The following TPD52 variants were observed in gnomAD, a reference collection of about 807,000 sequenced individuals.
TPD52 encodes tumor protein D52.
A neutral mutation model predicts 31.3 loss-of-function variants in TPD52; 17 were observed. The ratio of observed to expected loss-of-function variants is 0.54; its 90% confidence interval spans 0.37 to 0.82. The LOEUF is 0.82. Ranked by LOEUF, TPD52 falls within the 40% of genes least tolerant of loss-of-function variation. TPD52 has a pLI of 0.00. For synonymous variants in TPD52, 83 were observed against 89.6 expected (o/e 0.93, Z 0.42); for missense variants, 212 against 240.1 (o/e 0.88, Z 0.77).
intron 1 of TPD52, among the ~76,000 whole-genome samples, chr8:80,129,420 A>C (rs576524820): frequency 3.3e-5 from 5 of 152,206 alleles, no homozygotes; most frequent in African/African-American, 1.2e-4. Context: ...CAAGCATTAC[A>C]AATCTGCTAA....
chr8:80,089,089 G>A (rs1160763259), intron 1 of TPD52, among the ~76,000 whole-genome samples: 2 of 152,318 alleles, frequency 1.3e-5, no homozygotes, highest in Admixed American at 6.5e-5. Flanking sequence ...AGAATCGTGA[G>A]AATATAAATT....
At chr8:80,167,999 A>G (rs1331607528) in intron 1 of TPD52, among the ~76,000 whole-genome samples, 1 of 152,226 alleles carries the variant, frequency 6.6e-6, no homozygotes. Context: ...CTAGTTAGCA[A>G]CACTGCTCTA....
At chr8:80,114,274 C>T (rs62516085) in intron 1 of TPD52, among the ~76,000 whole-genome samples, 31,603 of 152,010 alleles carry the variant, frequency 0.21, 4,184 homozygotes, top group Non-Finnish European at 0.29. Context: ...TGCCTTTCTC[C>T]CTAAACCTCC....
At chr8:80,133,271 TCA>T (rs1401110682) in intron 1 of TPD52, among the ~76,000 whole-genome samples, 1 of 152,148 alleles carries the variant, frequency 6.6e-6, no homozygotes, top group Non-Finnish European at 1.5e-5. Flanking sequence ...CTGGACCACT[TCA>T]GACATTTTCT....
At chr8:80,151,385 G>A (rs1480595821) in intron 1 of TPD52, among the ~76,000 whole-genome samples, 1 of 152,128 alleles carries the variant, frequency 6.6e-6, no homozygotes, top group African/African-American at 2.4e-5. Flanking sequence ...AAAAAGAATA[G>A]GCTTAAAACT....
intron 1 of TPD52, among the ~76,000 whole-genome samples, chr8:80,147,091 T>C (rs935474874): frequency 6.6e-6 from 1 of 152,180 alleles, no homozygotes; most frequent in Admixed American, 6.5e-5. Flanking sequence ...CTGGCCTACA[T>C]GGGCAGGCAT....
At chr8:80,041,378 G>T (rs1343387460) in intron 7 of TPD52, among the ~76,000 whole-genome samples, 3 of 152,172 alleles carry the variant, frequency 2.0e-5, no homozygotes, top group Non-Finnish European at 4.4e-5. Context: ...TGCATTTCGT[G>T]ACTCAAAGTT....
At chr8:80,156,657 GA>G (rs561724281) in intron 1 of TPD52, among the ~76,000 whole-genome samples, 237 of 152,252 alleles carry the variant, frequency 1.6e-3, no homozygotes, top group Middle Eastern at 3.4e-3. Context: ...CCAGGAAAAA[GA>G]ATAGGAGAAA....
intron 1 of TPD52, chr8:80,080,497 C>T: frequency 3.7e-6 from 6 of 1,608,232 alleles, no homozygotes; most frequent in Non-Finnish European, 5.1e-6. Context: ...CGCCTGATAT[C>T]AGCCTTCAGT....
At chr8:80,078,320 A>G (rs980660662) in intron 1 of TPD52, among the ~76,000 whole-genome samples, 5 of 152,326 alleles carry the variant, frequency 3.3e-5, no homozygotes, top group Admixed American at 2.6e-4. Context: ...ATTCCTTTTT[A>G]TATCAGTCCT....
intron 1 of TPD52, among the ~76,000 whole-genome samples, chr8:80,086,264 G>A (rs1238857291): frequency 6.6e-6 from 1 of 151,106 alleles, no homozygotes; most frequent in Non-Finnish European, 1.5e-5. Context: ...GACTACAAGC[G>A]CACACCACCA....
chr8:80,067,870 T>C (rs1296401967), intron 1 of TPD52, among the ~76,000 whole-genome samples: 3 of 151,892 alleles, frequency 2.0e-5, no homozygotes, highest in Non-Finnish European at 4.4e-5. Flanking sequence ...CCTTATATAT[T>C]CGTCTAGATA....
chr8:80,144,796 T>G (rs946181047), intron 1 of TPD52, among the ~76,000 whole-genome samples: 2 of 152,142 alleles, frequency 1.3e-5, no homozygotes, highest in Non-Finnish European at 1.5e-5. Context: ...TACATGGTAT[T>G]CGGTGTGCAT....
intron 1 of TPD52, among the ~76,000 whole-genome samples, chr8:80,094,676 G>A (rs1425832339): frequency 6.7e-6 from 1 of 150,356 alleles, no homozygotes; most frequent in African/African-American, 2.4e-5. Context: ...ACAATGATGT[G>A]AATATGATGA....
Position 80,050,450 on chromosome 8 carries a change from G to C in TPD52, c.408C>G (p.Ser136=), listed in dbSNP as rs1218584430. The C allele has an allele frequency of 1.5e-5, 24 of 1,606,504 alleles. No homozygotes were observed. The highest frequency in any genetic ancestry group is 2.0e-5 in the Non-Finnish European group (24 of 1,176,782). Residue 136 remains serine (S), a synonymous_variant, in exon 5 of 8, where the codon TCC becomes TCG. Transcript: ENST00000518937. The part of the protein sequence containing the change: ...EDVKLQAFSH[S]FSIRSIQHSI... Reference sequence around the variant, plus strand: ...ATGGTTCAAACTCTCCTTACCTAAAGGAATGTGAAAAGGCTTGCAATCTGT... The same window carrying C: ...ATGGTTCAAACTCTCCTTACCTAAACGAATGTGAAAAGGCTTGCAATCTGT...
At chr8:80,094,659 T>C (rs1467387446) in intron 1 of TPD52, among the ~76,000 whole-genome samples, 3 of 151,076 alleles carry the variant, frequency 2.0e-5, no homozygotes, top group East Asian at 3.9e-4. Context: ...ATAGTGGTGA[T>C]GGTTACACAA....
At chr8:80,064,643 C>A in intron 1 of TPD52, 50 bp from the exon 2 acceptor site, 1 of 1,399,332 alleles carries the variant, frequency 7.1e-7, no homozygotes, top group Non-Finnish European at 1.0e-6. Context: ...TAAGTAAAAT[C>A]CCTATTTAAG....
intron 7 of TPD52, among the ~76,000 whole-genome samples, chr8:80,040,185 C>CTTTTTTT (rs34611433): frequency 4.2e-5 from 4 of 95,686 alleles, no homozygotes; most frequent in African/African-American, 9.7e-5. Flanking sequence ...ATACGCTATC[C>CTTTTTTT]TTTTTTTTTT....
chr8:80,056,998 ATAC>A (rs1421001305), intron 2 of TPD52, among the ~76,000 whole-genome samples: 2 of 152,054 alleles, frequency 1.3e-5, no homozygotes, highest in African/African-American at 4.8e-5. Context: ...GTGAAACCCC[ATAC>A]TACTAAAACA....
Sources: gnomAD v4.1 joint callset for allele counts (sites outside exome capture counted in the v4.1 genomes callset) on GRCh38, gnomAD v4.1.1 for gene constraint, MANE v1.5 for transcripts, NCBI Gene and HGNC (gene_info 2026-07-23, HGNC 2026-07-21) for gene names.